The following EPHA3 variants were observed in gnomAD, a reference collection of about 807,000 sequenced individuals.
EPHA3 encodes the protein ephrin type-A receptor 3.
In EPHA3, 42 loss-of-function variants were observed where a neutral mutation model predicts 107.1. The ratio of observed to expected loss-of-function variants is 0.39; its 90% CI spans 0.31 to 0.51. The LOEUF is 0.51. EPHA3 is among the 20% of genes least tolerant of loss of function. The pLI, the probability that EPHA3 is intolerant of heterozygous loss-of-function variation, is 0.78. For missense variants in EPHA3, 1,183 were observed against 1,211.2 expected (o/e 0.98, Z 0.35); for synonymous variants, 461 against 424.8 (o/e 1.09, Z -1.05).
chr3:89,132,748 G>GGAGT (rs1300106606), intron 2 of EPHA3, among the ~76,000 whole-genome samples: 1 of 152,084 alleles, frequency 6.6e-6, no homozygotes, highest in African/African-American at 2.4e-5. Context: ...AAATTAGCCT[G>GGAGT]GAGTGGTGGC....
At chr3:89,328,741 T>C (rs1368355638) in intron 3 of EPHA3, among the ~76,000 whole-genome samples, 1 of 152,128 alleles carries the variant, frequency 6.6e-6, no homozygotes, top group Admixed American at 6.6e-5. Context: ...AGCCCTAACC[T>C]TCTCCTCAGG....
At chr3:89,276,492 G>A (rs1705810532) in intron 3 of EPHA3, among the ~76,000 whole-genome samples, 1 of 152,084 alleles carries the variant, frequency 6.6e-6, no homozygotes, top group Admixed American at 6.6e-5. Flanking sequence ...CCTAATTGAA[G>A]TTCTGATAAT....
At chr3:89,368,877 C>T (rs1708236888) in intron 5 of EPHA3, among the ~76,000 whole-genome samples, 3 of 150,536 alleles carry the variant, frequency 2.0e-5, no homozygotes, top group Middle Eastern at 3.2e-3. Context: ...TTAGCCCAGT[C>T]AAATTGACAC....
intron 3 of EPHA3, among the ~76,000 whole-genome samples, chr3:89,283,517 T>G (rs563699460): frequency 2.2e-4 from 34 of 152,236 alleles, no homozygotes; most frequent in African/African-American, 7.5e-4. Flanking sequence ...CAACCAATTC[T>G]AAAATGCGAC....
At chr3:89,184,788 G>A (rs1705524839) in intron 2 of EPHA3, among the ~76,000 whole-genome samples, 1 of 151,986 alleles carries the variant, frequency 6.6e-6, no homozygotes, top group African/African-American at 2.4e-5. Context: ...TAATGATGGG[G>A]AGTCAGGCGG....
rs544108554 is a variant in EPHA3 at position 89,186,709 on chromosome 3, G to A, written c.154-23151G>A. ...GCTGGTGCTTTTTACAGTTTTTTTCGGGCTACTAGTACTGATGCCACAGTA... is the reference window on the plus strand; with the variant it reads ...GCTGGTGCTTTTTACAGTTTTTTTCAGGCTACTAGTACTGATGCCACAGTA... On this transcript the variant is annotated intron_variant, in intron 2 of 16. Transcript: ENST00000336596. Among the ~76,000 whole-genome samples the A allele has an allele frequency of 3.3e-5, 5 of 151,972 alleles. No individual in the cohort carries two copies. The South Asian group carries it at 8.3e-4, about 25-fold the overall frequency.
rs934652060 is a variant in EPHA3, at chr3:89,354,583, T to C, written c.1306+12493T>C. 2.6e-5 allele frequency among the ~76,000 whole-genome samples: 4 copies of C among 151,190 alleles called. 1 individual carries two copies. Among genetic ancestry groups the C allele is most frequent in the Non-Finnish European group, 5.9e-5 (4 of 67,540 alleles). On this transcript the variant is annotated intron_variant, in intron 5 of 16. Coordinates refer to ENST00000336596, the MANE Select transcript of EPHA3 (RefSeq NM_005233.6). The stretch of plus-strand genomic sequence containing the variant: ...ATGACTATGAGGTATGGCACCCCTA[T>C]AAGCAGGGGCCCTGACATTCTATAC...
intron 5 of EPHA3, among the ~76,000 whole-genome samples, chr3:89,374,356 A>G (rs1559670579): frequency 6.6e-6 from 1 of 151,944 alleles, no homozygotes; most frequent in Non-Finnish European, 1.5e-5. Flanking sequence ...AGTATTAGTC[A>G]AGAAAACAGT....
chr3:89,477,620 G>A (rs562737607), intron 16 of EPHA3, among the ~76,000 whole-genome samples: 2 of 152,188 alleles, frequency 1.3e-5, no homozygotes, highest in South Asian at 4.2e-4. Flanking sequence ...GTGTGTGTGT[G>A]TGTCTGTGTC....
intron 2 of EPHA3, among the ~76,000 whole-genome samples, chr3:89,147,092 A>G (rs1265951737): frequency 6.6e-6 from 1 of 151,908 alleles, no homozygotes; most frequent in East Asian, 1.9e-4. Context: ...GGAACAAAAA[A>G]CCAAACACCA....
intron 15 of EPHA3, among the ~76,000 whole-genome samples, chr3:89,459,166 A>G (rs964277955): frequency 2.6e-5 from 4 of 152,172 alleles, no homozygotes; most frequent in Non-Finnish European, 5.9e-5. Flanking sequence ...TGCAGGTTCA[A>G]CACATGTACC....
intron 3 of EPHA3, among the ~76,000 whole-genome samples, chr3:89,228,312 C>T (rs961140871): frequency 2.6e-5 from 4 of 151,828 alleles, no homozygotes; most frequent in African/African-American, 9.7e-5. Context: ...ATATAGTGTT[C>T]CTTTGAAAAA....
At chr3:89,354,305 T>A (rs1418862268) in intron 5 of EPHA3, among the ~76,000 whole-genome samples, 2 of 151,176 alleles carry the variant, frequency 1.3e-5, no homozygotes, top group African/African-American at 4.8e-5. Flanking sequence ...AAGAAAATGT[T>A]CTGTTTCCAA....
intron 2 of EPHA3, among the ~76,000 whole-genome samples, chr3:89,150,235 C>G (rs1704659873): frequency 6.6e-6 from 1 of 151,828 alleles, no homozygotes; most frequent in African/African-American, 2.4e-5. Flanking sequence ...TAAGTGGTAG[C>G]CAACAATTTC....
Position 89,127,287 on chromosome 3 carries a change from A to C in EPHA3, c.153+14A>C. The C allele has an allele frequency of 6.2e-7, 1 of 1,603,730 alleles. No individual in the cohort carries two copies. Among genetic ancestry groups the C allele is most frequent in the South Asian group, 1.1e-5 (1 of 90,732 alleles). ...CCATCACATGGGGTGAGTTCAATAA[A>C]CTATCACAAGGAAACATTTTCTCTA... On this transcript the variant is annotated intron_variant, in intron 2 of 16. Transcript: ENST00000336596.
intron 3 of EPHA3, among the ~76,000 whole-genome samples, chr3:89,230,126 GGAAGACC>G (rs1704595012): frequency 6.6e-6 from 1 of 152,012 alleles, no homozygotes; most frequent in African/African-American, 2.4e-5. Flanking sequence ...AGTGAAGAGA[GGAAGACC>G]CAGAGCAATT....
intron 3 of EPHA3, among the ~76,000 whole-genome samples, chr3:89,253,478 C>A (rs1705209693): frequency 6.6e-6 from 1 of 152,134 alleles, no homozygotes; most frequent in Non-Finnish European, 1.5e-5. Context: ...CATTAGAGCA[C>A]TTCTCTGTTC....
chr3:89,414,171 T>C (rs1709205156), intron 10 of EPHA3, among the ~76,000 whole-genome samples: 2 of 151,698 alleles, frequency 1.3e-5, no homozygotes, highest in African/African-American at 4.8e-5. Context: ...TTTACAAAAA[T>C]GTACATGTAA....
intron 3 of EPHA3, among the ~76,000 whole-genome samples, chr3:89,268,461 A>T (rs1231909000): frequency 6.6e-6 from 1 of 152,134 alleles, no homozygotes; most frequent in Non-Finnish European, 1.5e-5. Context: ...GGGATACTTC[A>T]AGTTTCTAAA....
Sources: allele counts gnomAD v4.1 joint callset (sites outside exome capture counted in the v4.1 genomes callset), GRCh38; gene constraint gnomAD v4.1.1; transcripts MANE v1.5; gene names NCBI Gene and HGNC (gene_info 2026-07-23, HGNC 2026-07-21).